The following KIF5B variants were observed in gnomAD, a reference collection of about 807,000 sequenced individuals.
KIF5B encodes the protein kinesin family member 5B, also known as kinesin-1 heavy chain.
Under a neutral mutation model 132.8 loss-of-function variants are expected in KIF5B, and 49 were observed. The ratio of observed to expected loss-of-function variants is 0.37; its 90% CI spans 0.29 to 0.47. The LOEUF (loss-of-function observed/expected upper bound fraction) is 0.47. Among genes scored for constraint, KIF5B ranks in the 20% least tolerant of loss-of-function variants. The pLI is 1.00. For missense variants in KIF5B, 780 were observed against 1,144.0 expected (o/e 0.68, Z 4.59); for synonymous variants, 355 against 369.4 (o/e 0.96, Z 0.45).
At chr10:32,012,602 A>T (rs939975322) in intron 25 of KIF5B, among the ~76,000 whole-genome samples, 1 of 152,318 alleles carries the variant, frequency 6.6e-6, no homozygotes, top group East Asian at 1.9e-4. Flanking sequence ...TTTTTACATC[A>T]TAACTTTCAA....
In KIF5B at chr10:32,015,504, C is replaced by A; in HGVS notation, c.*20+5G>T. The A allele has an allele frequency of 6.6e-7, 1 of 1,519,128 alleles. No individual in the cohort carries two copies. The highest frequency in any genetic ancestry group is 8.8e-7 in the Non-Finnish European group (1 of 1,131,666). 94.1% of individuals were successfully genotyped at this position (1,519,128 alleles called of 1,614,324 possible). A position where few individuals can be genotyped will look rare whatever the true frequency, so the allele number is the denominator to read the frequency against. On this transcript the variant is annotated splice_donor_5th_base_variant and intron_variant, in intron 25 of 25. Transcript: ENST00000302418. The stretch of plus-strand genomic sequence containing the variant: ...GATATGAAAAGCCAGATATAAATAA[C>A]AAACCTGTGGGTATGTATAAACGAT...
In KIF5B at chr10:32,037,381, G is replaced by C. The variant is rs184155299; in HGVS notation, c.587-3C>G. ...CCTAGAGCTATGTTCATTCATATCT[G>C]CAAGGAAATTACACAAACAAATATA... On this transcript the variant is annotated splice_polypyrimidine_tract_variant and splice_region_variant and intron_variant, in intron 7 of 25. Coordinates refer to ENST00000302418, the MANE Select transcript of KIF5B (RefSeq NM_004521.3). The C allele has an allele frequency of 6.2e-7, 1 of 1,609,318 alleles. No individual in the cohort carries two copies. The highest frequency in any genetic ancestry group is 1.3e-5 in the African/African-American group (1 of 74,704).
rs1592458488 is a variant in KIF5B at position 32,056,211 on chromosome 10, G to A, written c.-238C>T. On this transcript the variant is annotated 5_prime_UTR_variant, in exon 1 of 26. Coordinates refer to ENST00000302418, the MANE Select transcript of KIF5B (RefSeq NM_004521.3). ...CATCATGGCAGCCATGGCGGCGGCA[G>A]CGGCGGCGGCACCGGGGAGAGCGTC... is the stretch of plus-strand genomic sequence containing the variant. The A allele has an allele frequency of 4.1e-6, 2 of 491,190 alleles. No individual in the cohort carries two copies. The highest frequency in any genetic ancestry group is 7.1e-6 in the Non-Finnish European group (2 of 281,892). 30.4% of individuals were successfully genotyped at this position (491,190 alleles called of 1,614,324 possible).
At chr10:32,047,682 T>G (rs1841631273) in intron 2 of KIF5B, among the ~76,000 whole-genome samples, 1 of 152,250 alleles carries the variant, frequency 6.6e-6, no homozygotes, top group Non-Finnish European at 1.5e-5. Flanking sequence ...GTTACTAGGA[T>G]GAGCATCTGT....
chr10:32,035,887 C>T lies in KIF5B; in HGVS notation c.816+3G>A, dbSNP rs778745491. On this transcript the variant is annotated splice_donor_region_variant and intron_variant, in intron 9 of 25. Transcript: ENST00000302418. ...CAGGGAGATAGAAGACATGTATACT[C>T]ACACTACCCTCAGCCAAAGCAGAAA... The T allele has an allele frequency of 4.4e-6, 7 of 1,605,778 alleles. No individual in the cohort carries two copies. The highest frequency in any genetic ancestry group is 2.2e-5 in the South Asian group (2 of 89,992).
At chr10:32,055,520 A>ACG (rs765167314) in intron 1 of KIF5B, among the ~76,000 whole-genome samples, 2 of 81,066 alleles carry the variant, frequency 2.5e-5, no homozygotes, top group Admixed American at 2.2e-4. Context: ...CCGTAATTGC[A>ACG]CACACACACA....
intron 14 of KIF5B, among the ~76,000 whole-genome samples, chr10:32,030,389 G>A (rs548703193): frequency 2.8e-4 from 43 of 152,086 alleles, no homozygotes; most frequent in African/African-American, 9.6e-4. Context: ...GGTGGCGGGC[G>A]CCTGTAATCC....
rs1401028908 is a variant in KIF5B, at chr10:32,031,154, G to A, written c.1500C>T (p.Val500=). The stretch of plus-strand genomic sequence containing the variant: ...CTTCCTGAGACTTCTGATCATAATT[G>A]ACAGCAAGTTCTTCTAGGGCCTGTA... ...EVLQALEELA[V]NYDQKSQEVE... The change falls in exon 14 of 26, where the codon GTC becomes GTT. Residue 500 remains valine, a synonymous_variant. Transcript: ENST00000302418. The A allele has an allele frequency of 1.1e-5, 17 of 1,613,624 alleles. No homozygotes were observed. Among genetic ancestry groups the A allele is most frequent in the Non-Finnish European group, 1.4e-5 (17 of 1,179,860 alleles).
rs765270335 is a variant in KIF5B at position 32,039,320 on chromosome 10, A to T, written c.393+7T>A. 9.8e-6 allele frequency: 9 copies of T among 919,904 alleles called. No individual in the cohort carries two copies. The Admixed American group carries it at 2.1e-4, about 22-fold the overall frequency. The allele number at this position is 919,904 out of a possible 1,614,324, so 57.0% of individuals were successfully genotyped here. A position where few individuals can be genotyped will look rare whatever the true frequency, so the allele number is the denominator to read the frequency against. On this transcript the variant is annotated splice_region_variant and intron_variant, in intron 4 of 25. Transcript: ENST00000302418. ...AATAAAATATAATCTTTCCTCAAGG[A>T]ATTTACCTTAATATGAAATTCCAAA...
At position 32,018,051 on chromosome 10, in the gene KIF5B, C is replaced by A; in HGVS notation, c.2544+1G>T. On this transcript the variant is annotated splice_donor_variant, in intron 23 of 25. Transcript: ENST00000302418. LOFTEE classifies it high-confidence loss of function. ...CTACCAGAAAATATACTCTTTAGTACCTGTTTGTGCACTTTAGTGAGCTGT... is the reference window on the plus strand; with the variant it reads ...CTACCAGAAAATATACTCTTTAGTAACTGTTTGTGCACTTTAGTGAGCTGT... The A allele has an allele frequency of 6.5e-7, 1 of 1,550,292 alleles. No individual in the cohort carries two copies. The highest frequency in any genetic ancestry group is 8.9e-7 in the Non-Finnish European group (1 of 1,129,096).
intron 3 of KIF5B, 80 bp downstream of exon 3, chr10:32,040,304 T>C: frequency 1.2e-6 from 1 of 840,306 alleles, no homozygotes; most frequent in Non-Finnish European, 2.1e-6. Flanking sequence ...AAAATGTTTA[T>C]GCATGGTGAA....
At position 32,033,935 on chromosome 10, in the gene KIF5B, G is replaced by A. The variant is rs772429092; in HGVS notation, c.1215C>T (p.Thr405=). The A allele has an allele frequency of 2.7e-5, 44 of 1,612,094 alleles. No individual in the cohort carries two copies. The highest frequency in any genetic ancestry group is 1.1e-4 in the East Asian group (5 of 44,800). ...TAAAATTTCCTATAACTCCAATTGC[G>A]GTTGCTGGTTTATCATTGGTAAGAG... ...DITLTNDKPA[T]AIGVIGNFTD... Residue 405 remains threonine (T), a synonymous_variant, in exon 12 of 26, where the codon ACC becomes ACT. Transcript: ENST00000302418.
In KIF5B at chr10:32,038,790, C is replaced by A; in HGVS notation, c.430G>T (p.Asp144Tyr). 6.7e-7 allele frequency: 1 copy of A among 1,486,466 alleles called. No individual in the cohort carries two copies. The highest frequency in any genetic ancestry group is 1.2e-5 in the South Asian group (1 of 86,208). 92.1% of individuals were successfully genotyped at this position (1,486,466 alleles called of 1,614,324 possible). ...YFEIYLDKIR[D>Y]LLDVSKTNLS... ...GAATTTAACTTACCATCTAACAGGT[C>A]CCTTATCTTATCCAAATATATTTCA... The change falls in exon 5 of 26, where the codon GAC becomes TAC. Residue 144 changes from aspartate (D) to tyrosine (Y), a missense_variant. This residue lies in a region of KIF5B where 76 missense variants were observed against 146.4 expected (regional missense o/e 0.52). Coordinates refer to ENST00000302418, the MANE Select transcript of KIF5B (RefSeq NM_004521.3).
intron 25 of KIF5B, among the ~76,000 whole-genome samples, chr10:32,012,899 AT>A (rs746066933): frequency 0.2 from 27,616 of 136,416 alleles, 2,324 homozygotes; most frequent in Non-Finnish European, 0.24. Context: ...AACTCATGTA[AT>A]TTTTTTTTTT....
chr10:32,034,480 G>A (rs1332693574), intron 11 of KIF5B, among the ~76,000 whole-genome samples: 5 of 152,082 alleles, frequency 3.3e-5, no homozygotes, highest in Non-Finnish European at 7.4e-5. Flanking sequence ...AGATTCTTCT[G>A]CTTAATTAAT....
intron 1 of KIF5B, among the ~76,000 whole-genome samples, chr10:32,049,470 A>G (rs998233530): frequency 2.6e-5 from 4 of 152,232 alleles, no homozygotes; most frequent in African/African-American, 9.6e-5. Flanking sequence ...GGTTTCGTGT[A>G]GGAAAGTAGT....
chr10:32,022,754 C>T (rs2132587180), intron 16 of KIF5B, 94 bp downstream of exon 16: 1 of 877,846 alleles, frequency 1.1e-6, no homozygotes, highest in Non-Finnish European at 1.8e-6. Flanking sequence ...TAAATTTCAC[C>T]TATAGACACA....
chr10:32,038,848 A>C, intron 4 of KIF5B, 22 bp from the exon 5 acceptor site: 2 of 1,403,080 alleles, frequency 1.4e-6, no homozygotes, highest in South Asian at 2.4e-5. Flanking sequence ...ATTTAAAAAA[A>C]CACCGATCAA....
intron 1 of KIF5B, among the ~76,000 whole-genome samples, chr10:32,055,020 T>A (rs989962554): frequency 2.0e-5 from 3 of 152,210 alleles, no homozygotes; most frequent in African/African-American, 7.2e-5. Flanking sequence ...AGTTTGTTTT[T>A]ATAACACTTT....
Sources: allele counts gnomAD v4.1 joint callset (sites outside exome capture counted in the v4.1 genomes callset), GRCh38; gene constraint gnomAD v4.1.1; regional missense constraint gnomAD v4.1.1; transcripts MANE v1.5; gene names NCBI Gene and HGNC (gene_info 2026-07-23, HGNC 2026-07-21).